PIGS: variants seen among roughly 807,000 people sequenced by gnomAD.
PIGS encodes the protein GPI-anchor transamidase component PIGS.
In PIGS, 37 loss-of-function variants were observed where a neutral mutation model predicts 58.2. That is an observed-to-expected ratio of 0.64 (90% CI 0.49 to 0.84). The LOEUF (loss-of-function observed/expected upper bound fraction) is 0.84. Ranked by LOEUF, PIGS falls within the 40% of genes least tolerant of loss-of-function variation. The pLI, the probability that PIGS is intolerant of heterozygous loss-of-function variation, is 0.00. For missense variants in PIGS, 629 were observed against 710.8 expected (o/e 0.88, Z 1.31); for synonymous variants, 269 against 289.2 (o/e 0.93, Z 0.71).
At chr17:28,559,630 G>T (rs1285206354) in intron 7 of PIGS, among the ~76,000 whole-genome samples, 1 of 151,164 alleles carries the variant, frequency 6.6e-6, no homozygotes, top group East Asian at 2.0e-4. Flanking sequence ...GAACCTGGGA[G>T]GCGGAGGTTG....
At chr17:28,562,019 C>A (rs1476094912) in intron 5 of PIGS, among the ~76,000 whole-genome samples, 1 of 152,132 alleles carries the variant, frequency 6.6e-6, no homozygotes, top group Non-Finnish European at 1.5e-5. Context: ...AACAGTAAAA[C>A]CTAGAAATAA....
At chr17:28,567,691 T>C (rs533460940) in intron 3 of PIGS, among the ~76,000 whole-genome samples, 209 of 152,338 alleles carry the variant, frequency 1.4e-3, no homozygotes, top group Non-Finnish European at 1.3e-3. Flanking sequence ...CTTCCCTTCT[T>C]ATCTAGAATA....
At chr17:28,568,322 C>G (rs918073803) in intron 3 of PIGS, among the ~76,000 whole-genome samples, 2 of 152,106 alleles carry the variant, frequency 1.3e-5, no homozygotes, top group Non-Finnish European at 2.9e-5. Flanking sequence ...GGGCTGGTCT[C>G]AAACTCCTGA....
At chr17:28,569,626 T>G (rs2070415670) in intron 3 of PIGS, among the ~76,000 whole-genome samples, 1 of 152,082 alleles carries the variant, frequency 6.6e-6, no homozygotes, top group Admixed American at 6.6e-5. Context: ...GCAAAACTGC[T>G]CATAGGTCCC....
At chr17:28,559,795 T>G (rs2070352183) in intron 7 of PIGS, among the ~76,000 whole-genome samples, 2 of 151,912 alleles carry the variant, frequency 1.3e-5, no homozygotes, top group Non-Finnish European at 1.5e-5. Flanking sequence ...GAAGGTGGTT[T>G]GTTAACAAGC....
chr17:28,562,287 A>T (rs1399704904), intron 5 of PIGS, among the ~76,000 whole-genome samples: 1 of 152,206 alleles, frequency 6.6e-6, no homozygotes, highest in Non-Finnish European at 1.5e-5. Context: ...TACAAACACA[A>T]AATCTGGTTG....
At position 28,571,444 on chromosome 17, in the gene PIGS, C is replaced by A. The variant is rs752783532; in HGVS notation, c.34+19G>T. The A allele has an allele frequency of 6.2e-7, 1 of 1,609,572 alleles. No individual in the cohort carries two copies. The highest frequency in any genetic ancestry group is 1.7e-4 in the Middle Eastern group (1 of 6,056). ...TGCCATCAGCTAGCTGCAGGCCCCC[C>A]ACCCGAAGCCCACCGCACCTAGGTG... On this transcript the variant is annotated intron_variant, in intron 1 of 11. Transcript: ENST00000308360.
chr17:28,562,379 G>A (rs2070369256), intron 5 of PIGS, among the ~76,000 whole-genome samples: 1 of 152,138 alleles, frequency 6.6e-6, no homozygotes, highest in African/African-American at 2.4e-5. Flanking sequence ...TGGGGGTGGG[G>A]ATGGGGACGT....
chr17:28,564,328 GA>G (rs2070382790), intron 3 of PIGS, among the ~76,000 whole-genome samples: 1 of 152,184 alleles, frequency 6.6e-6, no homozygotes, highest in South Asian at 2.1e-4. Flanking sequence ...AGCAATTTGG[GA>G]GGCCAAGGCA....
At position 28,556,846 on chromosome 17, in the gene PIGS, G is replaced by C; in HGVS notation, c.1061C>G (p.Pro354Arg). ...APVATNAFHS[P>R]RWGGIMVYNV... ...TATTACCATAATGCCACCCCAGCGG[G>C]GACTATGGAAGGCATTGGTGGCCAC... Residue 354 changes from proline (P) to arginine (R), a missense_variant, in exon 9 of 12, where the codon CCC becomes CGC. Transcript: ENST00000308360. 1 of 1,614,022 alleles carries C rather than the reference G, an allele frequency of 6.2e-7. No homozygotes were observed. The highest frequency in any genetic ancestry group is 2.2e-5 in the East Asian group (1 of 44,882).
intron 9 of PIGS, 164 bp downstream of exon 9, chr17:28,556,663 G>T: frequency 1.1e-6 from 1 of 909,428 alleles, no homozygotes; most frequent in Non-Finnish European, 1.6e-6. Flanking sequence ...GGGGCCGGCA[G>T]AAGAGGGGCA....
intron 6 of PIGS, 91 bp from the exon 7 acceptor site, chr17:28,560,282 C>A: frequency 6.9e-7 from 1 of 1,440,612 alleles, no homozygotes; most frequent in South Asian, 1.3e-5. Context: ...ACTTGTTTCT[C>A]CTCTGGAATG....
chr17:28,560,890 GT>G (rs1488969840), intron 6 of PIGS, among the ~76,000 whole-genome samples: 1 of 152,178 alleles, frequency 6.6e-6, no homozygotes, highest in African/African-American at 2.4e-5. Flanking sequence ...GGAAGCAGAG[GT>G]TGTGGTGAGC....
rs775390544 is a variant in PIGS, at chr17:28,554,863, G to A, written c.1380C>T (p.Asp460=). ...GKISNIVIKD[D]VASEVYKAVA... ...CCTGCCTGCTTACCTCAGATGCCACGTCGTCCTTAATGACAATGTTGCTGA... is the reference window on the plus strand; with the variant it reads ...CCTGCCTGCTTACCTCAGATGCCACATCGTCCTTAATGACAATGTTGCTGA... The change falls in exon 11 of 12, where the codon GAC becomes GAT. Residue 460 remains aspartate, a synonymous_variant. Transcript: ENST00000308360. The A allele has an allele frequency of 1.7e-5, 27 of 1,613,992 alleles. No homozygotes were observed. Among genetic ancestry groups the A allele is most frequent in the South Asian group, 1.3e-4 (12 of 91,090 alleles).
intron 3 of PIGS, among the ~76,000 whole-genome samples, chr17:28,568,697 A>G (rs1257196663): frequency 6.6e-6 from 1 of 152,210 alleles, no homozygotes; most frequent in Non-Finnish European, 1.5e-5. Context: ...CAGTATACCC[A>G]TATTACTGAA....
chr17:28,569,474 C>CAAAAAA (rs767305172), intron 3 of PIGS, among the ~76,000 whole-genome samples: 3 of 66,104 alleles, frequency 4.5e-5, no homozygotes, highest in Admixed American at 1.7e-4. Flanking sequence ...GACCCTTTCT[C>CAAAAAA]AAAAAAAAAA....
At chr17:28,554,550 A>G in intron 11 of PIGS, 55 bp from the exon 12 acceptor site, 1 of 1,573,234 alleles carries the variant, frequency 6.4e-7, no homozygotes, top group Non-Finnish European at 8.7e-7. Flanking sequence ...CATTGGTGGA[A>G]AGGGTGCTGG....
chr17:28,571,402 C>G, intron 1 of PIGS, 61 bp downstream of exon 1: 1 of 1,590,024 alleles, frequency 6.3e-7, no homozygotes, highest in Non-Finnish European at 8.6e-7. Flanking sequence ...CAATCCCCAC[C>G]CCTGCTATTC....
At chr17:28,571,313 G>A (rs2070427874) in intron 1 of PIGS, 125 bp from the exon 2 acceptor site, 40 of 1,512,952 alleles carry the variant, frequency 2.6e-5, no homozygotes, top group Non-Finnish European at 3.4e-5. Context: ...TCCGTGCGAA[G>A]GGACCCGGCC....
Sources: allele counts gnomAD v4.1 joint callset (sites outside exome capture counted in the v4.1 genomes callset), GRCh38; gene constraint gnomAD v4.1.1; transcripts MANE v1.5; gene names NCBI Gene and HGNC (gene_info 2026-07-23, HGNC 2026-07-21).